The following CNTNAP4 variants were observed in gnomAD, a reference collection of about 807,000 sequenced individuals.
The protein encoded by CNTNAP4 is contactin-associated protein-like 4.
In CNTNAP4, 98 loss-of-function variants were observed where a neutral mutation model predicts 148.4. That is an observed-to-expected ratio of 0.66 (90% confidence interval 0.56 to 0.78). The LOEUF (loss-of-function observed/expected upper bound fraction) is 0.78. Among genes scored for constraint, CNTNAP4 ranks in the 30% least tolerant of loss-of-function variants. CNTNAP4 has a pLI of 0.00. For synonymous variants in CNTNAP4, 730 were observed against 565.1 expected (o/e 1.29, Z -4.14); for missense variants, 1,935 against 1,565.6 (o/e 1.24, Z -3.98).
intron 3 of CNTNAP4, among the ~76,000 whole-genome samples, chr16:76,397,984 A>ATATT (rs2078270546): frequency 1.5e-5 from 1 of 68,762 alleles, no homozygotes; most frequent in African/African-American, 6.4e-5. Context: ...ATATATATAT[A>ATATT]TATATATATA....
intron 1 of CNTNAP4, among the ~76,000 whole-genome samples, chr16:76,303,656 T>C (rs1442899933): frequency 6.6e-6 from 1 of 152,196 alleles, no homozygotes; most frequent in African/African-American, 2.4e-5. Context: ...TTTCTCTCTT[T>C]CTTAATAAAT....
chr16:76,538,323 T>G lies in CNTNAP4; in HGVS notation c.3203T>G (p.Val1068Gly). 6.2e-7 allele frequency: 1 copy of G among 1,602,976 alleles called. No homozygotes were observed. Among genetic ancestry groups the G allele is most frequent in the Non-Finnish European group, 8.5e-7 (1 of 1,176,022 alleles). Reference protein sequence around the residue: ...VSSFYKEYLSVIIAKNGSLQI... With the variant: ...VSSFYKEYLSGIIAKNGSLQI... Reference sequence around the variant, plus strand: ...TCCTTTTACAAAGAATACCTTTCTGTGATCATTGCCAAAAATGGTGAGTTC... The same window carrying G: ...TCCTTTTACAAAGAATACCTTTCTGGGATCATTGCCAAAAATGGTGAGTTC... The change falls in exon 19 of 24, where the codon GTG (valine) becomes GGG (glycine). Residue 1068 changes from valine to glycine, a missense_variant. Physicochemically the swap from Val to Gly is moderately radical, Grantham distance 109. Transcript: ENST00000611870.
At chr16:76,295,105 A>G (rs971475389) in intron 1 of CNTNAP4, among the ~76,000 whole-genome samples, 18 of 152,162 alleles carry the variant, frequency 1.2e-4, no homozygotes, top group Non-Finnish European at 2.1e-4. Context: ...GGTAAGTGCA[A>G]TGAGGGAGAG....
intron 2 of CNTNAP4, among the ~76,000 whole-genome samples, chr16:76,350,042 A>G (rs1965241529): frequency 6.6e-6 from 1 of 152,050 alleles, no homozygotes; most frequent in South Asian, 2.1e-4. Flanking sequence ...ACCAGCACTA[A>G]ATATTGGTGA....
chr16:76,522,650 C>CCT lies in CNTNAP4; in HGVS notation c.2755+393_2755+394insCT, dbSNP rs1568495967. 7.4e-3 allele frequency among the ~76,000 whole-genome samples: 828 copies of CCT among 112,176 alleles called. 75 individuals are homozygous for CCT. The highest frequency in any genetic ancestry group is 9.6e-3 in the Admixed American group (103 of 10,718). The allele number at this position is 112,176 out of a possible 152,430, so 73.6% of individuals were successfully genotyped here. ...CCTTCCTTCCTTCTTTCTTTCTTTT[C>CCT]TCTCTTTCTCTCTTTCCTTCTTTCT... On this transcript the variant is annotated intron_variant, in intron 17 of 23. Coordinates refer to ENST00000611870, the MANE Select transcript of CNTNAP4 (RefSeq NM_033401.5).
chr16:76,433,148 T>C (rs2079673180), intron 4 of CNTNAP4, among the ~76,000 whole-genome samples: 1 of 152,158 alleles, frequency 6.6e-6, no homozygotes, highest in South Asian at 2.1e-4. Flanking sequence ...CATTCTTTTT[T>C]TGTTATTAGT....
intron 3 of CNTNAP4, among the ~76,000 whole-genome samples, chr16:76,395,448 G>T (rs568697459): frequency 7.2e-5 from 11 of 151,780 alleles, no homozygotes; most frequent in Middle Eastern, 3.4e-3. Context: ...TGTATTTTTA[G>T]TAGAGATGGG....
Position 76,467,474 on chromosome 16 carries a change from C to G in CNTNAP4, c.1606C>G (p.Leu536Val), listed in dbSNP as rs1568293417. ...TCTGATTTCAGTTCAGCAGGGGTCCCTTGGGAACTTCAGTGACCTTCAGAT... is the reference window on the plus strand; with the variant it reads ...TCTGATTTCAGTTCAGCAGGGGTCCGTTGGGAACTTCAGTGACCTTCAGAT... ...VDLISVQQGS[L>V]GNFSDLQIDS... The change falls in exon 10 of 24, where the codon CTT becomes GTT. Residue 536 changes from leucine to valine, a missense_variant. Physicochemically the swap from Leu to Val is conservative, Grantham distance 32. Coordinates refer to ENST00000611870, the MANE Select transcript of CNTNAP4 (RefSeq NM_033401.5). The G allele has an allele frequency of 6.2e-7, 1 of 1,613,688 alleles. No individual in the cohort carries two copies. The highest frequency in any genetic ancestry group is 8.5e-7 in the Non-Finnish European group (1 of 1,179,838).
chr16:76,334,748 T>C (rs1963872168), intron 2 of CNTNAP4, among the ~76,000 whole-genome samples: 1 of 152,168 alleles, frequency 6.6e-6, no homozygotes, highest in African/African-American at 2.4e-5. Flanking sequence ...ATGTATTTTT[T>C]AGTGGCTTTG....
Position 76,479,436 on chromosome 16 carries a change from T to A in CNTNAP4, c.1780T>A (p.Cys594Ser), listed in dbSNP as rs778021533. The A allele has an allele frequency of 6.2e-7, 1 of 1,606,256 alleles. No homozygotes were observed. ...TCHNSIYEQS[C>S]EAYKHRGNTS... ...TCTTAAAGCTATCTATGAGCAGTCA[T>A]GTGAAGCCTATAAGCACAGAGGAAA... Residue 594 changes from cysteine (C) to serine (S), a missense_variant, in exon 12 of 24, where the codon TGT becomes AGT. Coordinates refer to ENST00000611870, the MANE Select transcript of CNTNAP4 (RefSeq NM_033401.5).
At chr16:76,548,631 T>C (rs1480056406) in intron 21 of CNTNAP4, among the ~76,000 whole-genome samples, 3 of 151,986 alleles carry the variant, frequency 2.0e-5, no homozygotes, top group East Asian at 3.9e-4. Context: ...TTGTTGGAAA[T>C]TGCACTTGAG....
chr16:76,494,637 A>G (rs973957077), intron 13 of CNTNAP4, among the ~76,000 whole-genome samples: 3 of 152,160 alleles, frequency 2.0e-5, no homozygotes, highest in Non-Finnish European at 2.9e-5. Flanking sequence ...ATTTTTTACT[A>G]TCATGCCTAA....
At chr16:76,427,108 T>C (rs1183247318) in intron 3 of CNTNAP4, among the ~76,000 whole-genome samples, 3 of 152,174 alleles carry the variant, frequency 2.0e-5, no homozygotes, top group Non-Finnish European at 4.4e-5. Context: ...ATTTTCTCAA[T>C]TTTTTTGGTG....
At chr16:76,407,036 A>T (rs1047422647) in intron 3 of CNTNAP4, among the ~76,000 whole-genome samples, 3 of 152,172 alleles carry the variant, frequency 2.0e-5, no homozygotes, top group Non-Finnish European at 2.9e-5. Flanking sequence ...GGAGAAGTCA[A>T]TGTGTGACTT....
chr16:76,290,607 G>A (rs1959075367), intron 1 of CNTNAP4, among the ~76,000 whole-genome samples: 1 of 152,082 alleles, frequency 6.6e-6, no homozygotes, highest in Non-Finnish European at 1.5e-5. Context: ...CAAGAAAAGG[G>A]TAAGTGGTTG....
intron 3 of CNTNAP4, among the ~76,000 whole-genome samples, chr16:76,368,680 G>C (rs1331833767): frequency 1.3e-5 from 2 of 152,104 alleles, no homozygotes; most frequent in Non-Finnish European, 2.9e-5. Flanking sequence ...TGTGGGGTAA[G>C]GGGCAAGGGG....
intron 3 of CNTNAP4, among the ~76,000 whole-genome samples, chr16:76,380,127 C>T (rs774496369): frequency 6.6e-6 from 1 of 152,114 alleles, no homozygotes; most frequent in Non-Finnish European, 1.5e-5. Context: ...TTCAATTATG[C>T]TGGAAAATGT....
intron 2 of CNTNAP4, among the ~76,000 whole-genome samples, chr16:76,324,566 A>G (rs1459203044): frequency 1.3e-5 from 2 of 152,090 alleles, no homozygotes; most frequent in Non-Finnish European, 2.9e-5. Context: ...CTCTCAGGAA[A>G]CTCTGAGGGA....
intron 3 of CNTNAP4, among the ~76,000 whole-genome samples, chr16:76,386,922 C>T (rs1382797636): frequency 6.6e-6 from 1 of 152,066 alleles, no homozygotes; most frequent in African/African-American, 2.4e-5. Flanking sequence ...TAGAGTTATG[C>T]AATCTGTGAA....
Sources: allele counts gnomAD v4.1 joint callset (sites outside exome capture counted in the v4.1 genomes callset), GRCh38; gene constraint gnomAD v4.1.1; transcripts MANE v1.5; gene names NCBI Gene and HGNC (gene_info 2026-07-23, HGNC 2026-07-21).